Variants in PMEPA1 observed in about 807,000 individuals in gnomAD.
PMEPA1 encodes prostate transmembrane protein, androgen induced 1.
A neutral mutation model predicts 23.0 loss-of-function variants in PMEPA1; 11 were observed. The ratio of observed to expected loss-of-function variants is 0.48; its 90% confidence interval spans 0.30 to 0.79. PMEPA1 has a LOEUF of 0.79. Among genes scored for constraint, PMEPA1 ranks in the 30% least tolerant of loss-of-function variants. The probability of loss-of-function intolerance (pLI) is 0.06; values close to 1 mark genes in which losing one functional copy is unlikely to be tolerated. For missense variants in PMEPA1, 377 were observed against 390.9 expected (o/e 0.96, Z 0.30); for synonymous variants, 204 against 166.4 (o/e 1.23, Z -1.74).
intron 1 of PMEPA1, among the ~76,000 whole-genome samples, chr20:57,685,735 G>T (rs1355600868): frequency 6.6e-6 from 1 of 152,160 alleles, no homozygotes; most frequent in Non-Finnish European, 1.5e-5. Flanking sequence ...TTCTGGGAAG[G>T]CGCCTGCTAA....
chr20:57,688,922 T>C (rs1195390256), intron 1 of PMEPA1, among the ~76,000 whole-genome samples: 1 of 152,154 alleles, frequency 6.6e-6, no homozygotes, highest in Non-Finnish European at 1.5e-5. Context: ...GGGTGGGAAT[T>C]CTGCATCTTT....
At chr20:57,665,431 G>T (rs1173878509) in intron 1 of PMEPA1, among the ~76,000 whole-genome samples, 1 of 151,036 alleles carries the variant, frequency 6.6e-6, no homozygotes, top group African/African-American at 2.4e-5. Context: ...TGATGTTCTG[G>T]TCCAGTCCTC....
chr20:57,709,039 G>T (rs1263846657), intron 1 of PMEPA1, among the ~76,000 whole-genome samples: 3 of 151,832 alleles, frequency 2.0e-5, no homozygotes, highest in Non-Finnish European at 4.4e-5. Flanking sequence ...CCAGACACAC[G>T]CCCGGAGCCC....
At chr20:57,693,767 C>A (rs2071912422) in intron 1 of PMEPA1, among the ~76,000 whole-genome samples, 1 of 152,158 alleles carries the variant, frequency 6.6e-6, no homozygotes, top group African/African-American at 2.4e-5. Context: ...ACACAGAGAT[C>A]AGGATGCCAC....
In PMEPA1 at chr20:57,673,937, C is replaced by T. The variant is rs118018458; in HGVS notation, c.110-14240G>A. On this transcript the variant is annotated intron_variant, in intron 1 of 3. Transcript: ENST00000341744. ...AGCAAATGGGGCCTCACTCATGCAA[C>T]CAACATGGGAGTTCCATAGTAAATG... 4.9e-4 allele frequency among the ~76,000 whole-genome samples: 74 copies of T among 152,292 alleles called. No homozygotes were observed. In the East Asian group the frequency reaches 0.012, roughly 25 times the overall value.
chr20:57,671,728 G>A (rs2071571180), intron 1 of PMEPA1, among the ~76,000 whole-genome samples: 1 of 152,214 alleles, frequency 6.6e-6, no homozygotes. Flanking sequence ...AGGGGAAACT[G>A]AGCTTGGAGC....
intron 1 of PMEPA1, chr20:57,690,375 C>G: frequency 8.3e-7 from 1 of 1,200,024 alleles, no homozygotes; most frequent in Non-Finnish European, 1.1e-6. Context: ...CTGAGAATAT[C>G]CCCAGAGAAG....
Position 57,653,202 on chromosome 20 carries a change from C to T in PMEPA1, c.265-116G>A, listed in dbSNP as rs1284325330. 8 of 839,090 alleles carry T rather than the reference C, an allele frequency of 9.5e-6. No homozygotes were observed. In the East Asian group the frequency reaches 2.1e-4, roughly 22 times the overall value. 52.0% of individuals were successfully genotyped at this position (839,090 alleles called of 1,614,324 possible). A position where few individuals can be genotyped will look rare whatever the true frequency, so the allele number is the denominator to read the frequency against. On this transcript the variant is annotated intron_variant, in intron 2 of 3. Coordinates refer to ENST00000341744, the MANE Select transcript of PMEPA1 (RefSeq NM_020182.5). ...CCTGGAATCAGCTCTTGAACCCGCCCACCTCTCTGCATCGGAACCAGCTTC... is the reference window on the plus strand; with the variant it reads ...CCTGGAATCAGCTCTTGAACCCGCCTACCTCTCTGCATCGGAACCAGCTTC...
rs921902708 is a variant in PMEPA1, at chr20:57,655,363, T to A, written c.265-2277A>T. ...CCAGTCCCCTCCTGCACCACAGCCT[T>A]TGTCCCTCTGCCCCCGGTGGCCTAT... On this transcript the variant is annotated intron_variant, in intron 2 of 3. Coordinates refer to ENST00000341744, the MANE Select transcript of PMEPA1 (RefSeq NM_020182.5). The surrounding 1 kb of genome is among the most constrained non-coding windows in gnomAD (Gnocchi z 4.2). 6.6e-6 allele frequency among the ~76,000 whole-genome samples: 1 copy of A among 152,124 alleles called. No homozygotes were observed. The highest frequency in any genetic ancestry group is 6.5e-5 in the Admixed American group (1 of 15,280).
chr20:57,679,706 T>C (rs1431614449), intron 1 of PMEPA1, among the ~76,000 whole-genome samples: 1 of 152,190 alleles, frequency 6.6e-6, no homozygotes, highest in Non-Finnish European at 1.5e-5. Flanking sequence ...GGTGAATTTG[T>C]TATGCTGGAA....
Position 57,652,942 on chromosome 20 carries a change from G to T in PMEPA1, c.318+91C>A. 9.2e-7 allele frequency: 1 copy of T among 1,082,012 alleles called. No individual in the cohort carries two copies. The allele number at this position is 1,082,012 out of a possible 1,614,324, so 67.0% of individuals were successfully genotyped here. A position where few individuals can be genotyped will look rare whatever the true frequency, so the allele number is the denominator to read the frequency against. On this transcript the variant is annotated intron_variant, in intron 3 of 3. Transcript: ENST00000341744. This position sits in a 1 kb window ranked among gnomAD's most constrained non-coding sequence, Gnocchi z 6.1. ...GCACTGCAGAGGAGGGCGGAGGGGT[G>T]AGCCTTTAGCAGCCCACACTGTTCC... is the stretch of plus-strand genomic sequence containing the variant.
intron 1 of PMEPA1, among the ~76,000 whole-genome samples, chr20:57,673,523 G>A (rs1460967313): frequency 1.3e-5 from 2 of 152,170 alleles, no homozygotes; most frequent in African/African-American, 2.4e-5. Flanking sequence ...CGGCATGCAG[G>A]AGTCCAGTCT....
intron 2 of PMEPA1, among the ~76,000 whole-genome samples, chr20:57,659,112 C>A (rs1018698113): frequency 1.3e-5 from 2 of 152,232 alleles, no homozygotes; most frequent in Non-Finnish European, 2.9e-5. Flanking sequence ...GGGTTCCTCG[C>A]AGAGGCTCCC....
intron 2 of PMEPA1, among the ~76,000 whole-genome samples, chr20:57,657,453 G>T (rs889648557): frequency 6.6e-6 from 1 of 152,242 alleles, no homozygotes; most frequent in African/African-American, 2.4e-5. Flanking sequence ...GGAAAGTGGG[G>T]TGAACCCCTG....
chr20:57,673,313 TG>T (rs2071594655), intron 1 of PMEPA1, among the ~76,000 whole-genome samples: 1 of 152,174 alleles, frequency 6.6e-6, no homozygotes, highest in Non-Finnish European at 1.5e-5. Flanking sequence ...CTTCTCTGGC[TG>T]TCTCTGGCAG....
chr20:57,710,126 G>T (rs1475316493), upstream of PMEPA1: 13 of 789,000 alleles, frequency 1.6e-5, no homozygotes, highest in Non-Finnish European at 2.1e-5. Context: ...GAGCCGGGGG[G>T]CGGGGTGACG....
chr20:57,698,191 G>A (rs577231629), intron 1 of PMEPA1, among the ~76,000 whole-genome samples: 4 of 152,108 alleles, frequency 2.6e-5, no homozygotes, highest in African/African-American at 7.2e-5. Context: ...ATTGAGCTGC[G>A]ATCTATCCTA....
rs1489149133 is a variant in PMEPA1 at position 57,652,062 on chromosome 20, G to T, written c.855C>A (p.His285Gln). The change falls in exon 4 of 4, where the codon CAC becomes CAA. Residue 285 changes from histidine (H) to glutamine (Q), a missense_variant. This residue lies in a region of PMEPA1 where 176 missense variants were observed against 173.0 expected (regional missense o/e 1.02). Transcript: ENST00000341744. This position sits in a 1 kb window ranked among gnomAD's most constrained non-coding sequence, Gnocchi z 6.1. ...GGCCCCCCTGGGGACCCTAGAGAGG[G>T]TGTCCTTTCTGTTTATCCTTCTCTT... ...WSKEKDKQKG[H>Q]PL The T allele has an allele frequency of 6.7e-7, 1 of 1,500,812 alleles. No individual in the cohort carries two copies. The highest frequency in any genetic ancestry group is 8.9e-7 in the Non-Finnish European group (1 of 1,119,702). 93.0% of individuals were successfully genotyped at this position (1,500,812 alleles called of 1,614,324 possible). A position where few individuals can be genotyped will look rare whatever the true frequency, so the allele number is the denominator to read the frequency against.
At chr20:57,710,654 A>G (rs911294891), upstream of PMEPA1, 1 of 542,732 alleles carries the variant, frequency 1.8e-6, no homozygotes, top group Non-Finnish European at 3.2e-6. Context: ...TCGCCGCCCC[A>G]GCCGGCGGGA....
Sources: allele counts gnomAD v4.1 joint callset (sites outside exome capture counted in the v4.1 genomes callset), GRCh38; gene constraint gnomAD v4.1.1; regional missense constraint gnomAD v4.1.1; non-coding constraint Gnocchi (gnomAD v3.1); transcripts MANE v1.5; gene names NCBI Gene and HGNC (gene_info 2026-07-23, HGNC 2026-07-21).